The following ABCA4 variants were observed in gnomAD, a reference collection of about 807,000 sequenced individuals.
The protein encoded by ABCA4 is ATP binding cassette subfamily A member 4.
ABCA4 carries 196 observed loss-of-function variants against 263.7 expected under a neutral mutation model. The observed-to-expected ratio is 0.74, with a 90% CI of 0.66 to 0.84. The LOEUF (loss-of-function observed/expected upper bound fraction) is 0.84. Ranked by LOEUF, ABCA4 falls within the 40% of genes least tolerant of loss-of-function variation. ABCA4 has a pLI of 0.00. For synonymous variants in ABCA4, 1,133 were observed against 1,094.2 expected (o/e 1.04, Z -0.70); for missense variants, 2,792 against 2,855.1 (o/e 0.98, Z 0.50).
rs1659282283 is a variant in ABCA4 at position 94,003,846 on chromosome 1, C to T, written c.6147+1595G>A. ...AGAGACAGGGTCTCCCTATGTTGCA[C>T]AGGCTAATCTGGAACTCCTGGGCTC... On this transcript the variant is annotated intron_variant, in intron 44 of 49. Transcript: ENST00000370225. Among the ~76,000 whole-genome samples, 2 of 152,234 alleles carry T rather than the reference C, an allele frequency of 1.3e-5. 1 individual carries two copies. The highest frequency in any genetic ancestry group is 4.1e-4 in the South Asian group (2 of 4,822).
chr1:94,028,566 GA>G (rs1294286633), intron 30 of ABCA4, among the ~76,000 whole-genome samples: 6 of 152,162 alleles, frequency 3.9e-5, no homozygotes, highest in Admixed American at 2.6e-4. Flanking sequence ...TTATAATGGT[GA>G]AAACTAAAAA....
chr1:94,083,584 T>G lies in ABCA4; in HGVS notation c.769-143A>C. On this transcript the variant is annotated intron_variant, in intron 6 of 49. Coordinates refer to ENST00000370225, the MANE Select transcript of ABCA4 (RefSeq NM_000350.3). ...GCAGGATCTTTTCTGCAAGATTACT[T>G]TTAGAAACAAAAAACTCTTTTATTT... is the stretch of plus-strand genomic sequence containing the variant. The G allele has an allele frequency of 4.7e-6, 3 of 640,768 alleles. No individual in the cohort carries two copies. In the East Asian group the frequency reaches 8.3e-5, roughly 18 times the overall value. 39.7% of individuals were successfully genotyped at this position (640,768 alleles called of 1,614,324 possible).
Position 94,078,584 on chromosome 1 carries a change from C to CT in ABCA4, c.1356+5_1356+6insA, listed in dbSNP as rs1553193877. On this transcript the variant is annotated splice_donor_region_variant and intron_variant, in intron 10 of 49. Transcript: ENST00000370225. ...CCTCCCCTCCCCATCCTCCAACCCC[C>CT]CTTACTCTGATCATGTTCATCTGTG... 5.7e-6 allele frequency: 9 copies of CT among 1,568,402 alleles called. No homozygotes were observed. Among genetic ancestry groups the CT allele is most frequent in the Admixed American group, 3.3e-5 (2 of 59,802 alleles).
intron 5 of ABCA4, among the ~76,000 whole-genome samples, chr1:94,099,519 T>C (rs1004642862): frequency 2.0e-5 from 3 of 152,166 alleles, no homozygotes; most frequent in African/African-American, 7.2e-5. Flanking sequence ...CCTCATCTTA[T>C]CAGAGTGCCA....
intron 35 of ABCA4, 55 bp downstream of exon 35, chr1:94,021,185 C>T: frequency 6.2e-7 from 1 of 1,610,952 alleles, no homozygotes; most frequent in Non-Finnish European, 8.5e-7. Context: ...TCAGGATGTT[C>T]AAAGAGTGGA....
chr1:94,023,360 T>C, intron 32 of ABCA4, 26 bp downstream of exon 32: 3 of 1,578,412 alleles, frequency 1.9e-6, no homozygotes, highest in East Asian at 4.5e-5. Flanking sequence ...TCTGAGATTT[T>C]AATTCTGATA....
intron 26 of ABCA4, among the ~76,000 whole-genome samples, chr1:94,033,520 C>A (rs371461620): frequency 6.6e-6 from 1 of 151,866 alleles, no homozygotes; most frequent in Non-Finnish European, 1.5e-5. Context: ...GAAACCATTG[C>A]AAGTTGTCGG....
chr1:94,091,192 T>G (rs1570416297), intron 6 of ABCA4, among the ~76,000 whole-genome samples: 1 of 152,220 alleles, frequency 6.6e-6, no homozygotes, highest in African/African-American at 2.4e-5. Context: ...TTGTTAATAA[T>G]TTAATAATAT....
chr1:94,103,779 T>C (rs1186136773), intron 4 of ABCA4, among the ~76,000 whole-genome samples: 1 of 151,978 alleles, frequency 6.6e-6, no homozygotes, highest in Non-Finnish European at 1.5e-5. Context: ...CTAAGAGAAA[T>C]GAGTTGGGGC....
rs372600895 is a variant in ABCA4 at position 94,118,657 on chromosome 1, A to G, written c.66+2323T>C. Among the ~76,000 whole-genome samples, 24 of 152,322 alleles carry G rather than the reference A, an allele frequency of 1.6e-4. No individual in the cohort carries two copies. The South Asian group carries it at 2.3e-3, about 14-fold the overall frequency. On this transcript the variant is annotated intron_variant, in intron 1 of 49. Coordinates refer to ENST00000370225, the MANE Select transcript of ABCA4 (RefSeq NM_000350.3). ...CAGAAATCTCAATTTCCAGGCCATC[A>G]GGATGGCATCCAGTGAACGCCAGCC...
chr1:94,022,048 G>A (rs568025610), intron 32 of ABCA4, 97 bp from the exon 33 acceptor site: 2 of 1,002,712 alleles, frequency 2.0e-6, no homozygotes, highest in Admixed American at 3.8e-5. Flanking sequence ...ACTTTCGGGG[G>A]AATTGCCTGG....
At chr1:94,002,877 T>A (rs2100997025) in intron 44 of ABCA4, among the ~76,000 whole-genome samples, 1 of 147,460 alleles carries the variant, frequency 6.8e-6, no homozygotes, top group Non-Finnish European at 1.5e-5. Flanking sequence ...CGTCTATCCC[T>A]CCCACTAGAA....
Position 94,062,562 on chromosome 1 carries a change from G to C in ABCA4, c.1937+15C>G. 6.2e-7 allele frequency: 1 copy of C among 1,606,190 alleles called. No homozygotes were observed. The highest frequency in any genetic ancestry group is 1.1e-5 in the South Asian group (1 of 90,940). Reference sequence around the variant, plus strand: ...TTAGCGTGTCATGGAGGAGGATCGCGAACTTCAGACTCACGAATCGTCCAC... The same window carrying C: ...TTAGCGTGTCATGGAGGAGGATCGCCAACTTCAGACTCACGAATCGTCCAC... On this transcript the variant is annotated intron_variant, in intron 13 of 49. Coordinates refer to ENST00000370225, the MANE Select transcript of ABCA4 (RefSeq NM_000350.3).
At chr1:94,010,368 T>C in intron 40 of ABCA4, among the ~76,000 whole-genome samples, 1 of 152,146 alleles carries the variant, frequency 6.6e-6, no homozygotes, top group East Asian at 1.9e-4. Context: ...CCCGCACCCC[T>C]CCACATGGCT....
In ABCA4 at chr1:94,007,735, A is replaced by G; in HGVS notation, c.5904T>C (p.Phe1968=). The G allele has an allele frequency of 6.2e-7, 1 of 1,613,910 alleles. No homozygotes were observed. The highest frequency in any genetic ancestry group is 1.1e-5 in the South Asian group (1 of 91,084). Residue 1968 remains phenylalanine (F), a synonymous_variant, in exon 43 of 50, where the codon TTT becomes TTC. Coordinates refer to ENST00000370225, the MANE Select transcript of ABCA4 (RefSeq NM_000350.3). ...CGGCACCATTCACTCCCAGGAGGCCAAAGCACTAGGAGAAAACACAGAGCT... is the reference window on the plus strand; with the variant it reads ...CGGCACCATTCACTCCCAGGAGGCCGAAGCACTAGGAGAAAACACAGAGCT... The part of the protein sequence containing the change: ...LCVGVRPGEC[F]GLLGVNGAGK...
rs1659886244 is a variant in ABCA4, at chr1:94,021,240, A to G, written c.5018T>C (p.Val1673Ala). 3.7e-6 allele frequency: 6 copies of G among 1,614,184 alleles called. No individual in the cohort carries two copies. The highest frequency in any genetic ancestry group is 1.1e-5 in the South Asian group (1 of 91,080). ...TGAGGCTGGGGCTGTGGTGGCTTAC[A>G]CTGTAATCTCTGAGAGCTGCTCCTT... ...LTKEQLSEIT[V>A]LTTSVDAVVA... Residue 1673 changes from valine (V) to alanine (A), a missense_variant and splice_region_variant, in exon 35 of 50, where the codon GTG becomes GCG. Val to Ala is a moderately conservative substitution (Grantham distance 64, BLOSUM62 0). Transcript: ENST00000370225.
At chr1:94,015,585 T>C (rs954509883) in intron 37 of ABCA4, among the ~76,000 whole-genome samples, 154 bp downstream of exon 37, 1 of 152,164 alleles carries the variant, frequency 6.6e-6, no homozygotes, top group African/African-American at 2.4e-5. Context: ...GACAGATCCC[T>C]GGTTATCAGC....
intron 19 of ABCA4, chr1:94,046,033 A>G (rs2101055370): frequency 2.3e-6 from 1 of 443,622 alleles, no homozygotes; most frequent in East Asian, 7.0e-5. Context: ...CGGTTACTCC[A>G]CAAGCCCCTC....
At chr1:94,067,608 T>G (rs2101085623) in intron 11 of ABCA4, among the ~76,000 whole-genome samples, 1 of 152,356 alleles carries the variant, frequency 6.6e-6, no homozygotes, top group East Asian at 1.9e-4. Flanking sequence ...CTGTTGCCAT[T>G]TCCTAATTGT....
Sources: allele counts gnomAD v4.1 joint callset (sites outside exome capture counted in the v4.1 genomes callset), GRCh38; gene constraint gnomAD v4.1.1; transcripts MANE v1.5; gene names NCBI Gene and HGNC (gene_info 2026-07-23, HGNC 2026-07-21).